Variants in IL1RAP observed in about 807,000 individuals in gnomAD.
IL1RAP encodes interleukin-1 receptor accessory protein.
Under a neutral mutation model 60.7 loss-of-function variants are expected in IL1RAP, and 35 were observed. The observed-to-expected ratio is 0.58, with a 90% CI of 0.44 to 0.76. IL1RAP has a LOEUF of 0.76. IL1RAP is among the 30% of genes least tolerant of loss of function. The pLI is 0.00. For missense variants in IL1RAP, 572 were observed against 693.9 expected (o/e 0.82, Z 1.97); for synonymous variants, 268 against 250.9 (o/e 1.07, Z -0.64).
At chr3:190,548,770 C>G (rs1299253692) in intron 1 of IL1RAP, among the ~76,000 whole-genome samples, 1 of 152,106 alleles carries the variant, frequency 6.6e-6, no homozygotes, top group Non-Finnish European at 1.5e-5. Flanking sequence ...GCAGAAGGGA[C>G]CTGAGTCTTG....
chr3:190,522,739 G>A (rs1722195787), intron 1 of IL1RAP, among the ~76,000 whole-genome samples: 1 of 152,132 alleles, frequency 6.6e-6, no homozygotes, highest in African/African-American at 2.4e-5. Context: ...AAATATCTCA[G>A]AATCTTTCAT....
chr3:190,613,777 G>A (rs1024400376), intron 5 of IL1RAP, among the ~76,000 whole-genome samples: 13 of 151,848 alleles, frequency 8.6e-5, no homozygotes, highest in African/African-American at 2.9e-4. Context: ...AGGTTGCAGT[G>A]AGCTGAGATC....
chr3:190,615,072 C>G (rs4140709), intron 5 of IL1RAP, among the ~76,000 whole-genome samples: 1 of 132,014 alleles, frequency 7.6e-6, no homozygotes, highest in Non-Finnish European at 1.7e-5. Flanking sequence ...TTTTTTTTTT[C>G]TGCATGGCGG....
intron 1 of IL1RAP, among the ~76,000 whole-genome samples, chr3:190,533,387 C>A (rs1406607574): frequency 5.9e-5 from 9 of 152,174 alleles, no homozygotes; most frequent in Admixed American, 1.3e-4. Flanking sequence ...ATTTAAAGGC[C>A]TTTCCGGCCT....
intron 9 of IL1RAP, among the ~76,000 whole-genome samples, chr3:190,631,314 A>G (rs1577783459): frequency 6.6e-6 from 1 of 152,236 alleles, no homozygotes; most frequent in African/African-American, 2.4e-5. Context: ...GGTGTAATGT[A>G]GGAGTGAAGC....
intron 1 of IL1RAP, among the ~76,000 whole-genome samples, chr3:190,522,350 C>T (rs573889236): frequency 1.4e-5 from 2 of 147,556 alleles, no homozygotes; most frequent in African/African-American, 5.3e-5. Flanking sequence ...TCCTCCCTCC[C>T]TCCCTTCGTT....
exon 12 of IL1RAP, chr3:190,659,743 C>A (rs1734724680): frequency 6.6e-6 from 1 of 152,180 alleles, no homozygotes; most frequent in Admixed American, 6.5e-5. Flanking sequence ...ATACTATTAT[C>A]AACCTCATTG....
chr3:190,578,538 T>G (rs1727698957), intron 3 of IL1RAP, among the ~76,000 whole-genome samples: 1 of 152,252 alleles, frequency 6.6e-6, no homozygotes, highest in African/African-American at 2.4e-5. Context: ...CTTGTGTTTG[T>G]GTATTTGTTA....
At chr3:190,584,067 C>T (rs1728236029) in intron 3 of IL1RAP, among the ~76,000 whole-genome samples, 1 of 152,180 alleles carries the variant, frequency 6.6e-6, no homozygotes, top group Non-Finnish European at 1.5e-5. Context: ...CACCCAGTCA[C>T]TAGCAACCAC....
At chr3:190,633,053 G>T (rs1732920649) in intron 9 of IL1RAP, among the ~76,000 whole-genome samples, 1 of 145,420 alleles carries the variant, frequency 6.9e-6, no homozygotes, top group African/African-American at 2.5e-5. Context: ...TCTTTTTGAA[G>T]ATTGATTCAA....
chr3:190,559,573 A>C (rs1440450361), intron 2 of IL1RAP, among the ~76,000 whole-genome samples: 1 of 151,948 alleles, frequency 6.6e-6, no homozygotes, highest in Non-Finnish European at 1.5e-5. Context: ...GGTATGTTTT[A>C]TTTTATTTTT....
chr3:190,648,927 A>G lies in IL1RAP; in HGVS notation c.*222A>G, dbSNP rs182438457. ...CGTTCTGTCACCAGTCTCTGATGCC[A>G]CTATGTTCTTTGCAGGCAAAGACTT... On this transcript the variant is annotated 3_prime_UTR_variant, in exon 12 of 12. Transcript: ENST00000447382. 8 of 1,318,122 alleles carry G rather than the reference A, an allele frequency of 6.1e-6. No individual in the cohort carries two copies. The Admixed American group carries it at 1.8e-4, about 29-fold the overall frequency. 81.7% of individuals were successfully genotyped at this position (1,318,122 alleles called of 1,614,324 possible).
chr3:190,624,539 A>G (rs575500371), intron 7 of IL1RAP: 2 of 152,376 alleles, frequency 1.3e-5, no homozygotes, highest in African/African-American at 2.4e-5. Flanking sequence ...ACAGAGGTAT[A>G]AAAGAGCATC....
In IL1RAP at chr3:190,648,328, T is replaced by C. The variant is rs1179950567; in HGVS notation, c.1346-10T>C. ...CCAACACTAATCCCCATGGTTGTTT[T>C]CTTTCCCAGTTGTCACAGATGAGAC... On this transcript the variant is annotated splice_polypyrimidine_tract_variant and intron_variant, in intron 11 of 11. Transcript: ENST00000447382. The C allele has an allele frequency of 1.8e-5, 28 of 1,565,574 alleles. No homozygotes were observed. Among genetic ancestry groups the C allele is most frequent in the Non-Finnish European group, 2.3e-5 (27 of 1,163,232 alleles).
intron 9 of IL1RAP, among the ~76,000 whole-genome samples, chr3:190,634,736 G>C (rs1733076468): frequency 9.5e-6 from 1 of 105,456 alleles, no homozygotes; most frequent in African/African-American, 5.0e-5. Context: ...TTTTTTTTGA[G>C]AAGGAGTCTC....
At chr3:190,632,854 C>T in intron 9 of IL1RAP, among the ~76,000 whole-genome samples, 1 of 151,968 alleles carries the variant, frequency 6.6e-6, no homozygotes, top group African/African-American at 2.4e-5. Flanking sequence ...AAAATCTTTC[C>T]TTTGTTTGTT....
At chr3:190,523,371 T>C (rs1404053531) in intron 1 of IL1RAP, among the ~76,000 whole-genome samples, 2 of 152,160 alleles carry the variant, frequency 1.3e-5, no homozygotes, top group Non-Finnish European at 2.9e-5. Context: ...ATTTTTAAAA[T>C]TTAACTTTTA....
At chr3:190,645,331 A>C (rs1200969967) in intron 10 of IL1RAP, among the ~76,000 whole-genome samples, 2 of 152,132 alleles carry the variant, frequency 1.3e-5, no homozygotes, top group African/African-American at 4.8e-5. Flanking sequence ...GGTTTTACTC[A>C]ATTTGTAATT....
intron 4 of IL1RAP, among the ~76,000 whole-genome samples, chr3:190,604,943 C>T (rs1382178435): frequency 2.0e-5 from 3 of 152,224 alleles, no homozygotes; most frequent in Non-Finnish European, 2.9e-5. Context: ...ATGTGGTTCG[C>T]ATTATCATTT....
Sources: allele counts gnomAD v4.1 joint callset (sites outside exome capture counted in the v4.1 genomes callset), GRCh38; gene constraint gnomAD v4.1.1; transcripts MANE v1.5; gene names NCBI Gene and HGNC (gene_info 2026-07-23, HGNC 2026-07-21).